Variants in MAGI2 observed in about 807,000 individuals in gnomAD.
MAGI2 encodes the protein membrane-associated guanylate kinase, WW and PDZ domain-containing protein 2.
In MAGI2, 35 loss-of-function variants were observed where a neutral mutation model predicts 133.3. The ratio of observed to expected loss-of-function variants is 0.26; its 90% CI spans 0.20 to 0.35. The LOEUF is 0.35. MAGI2 is among the 10% of genes least tolerant of loss of function. The probability of loss-of-function intolerance (pLI) is 1.00; values close to 1 mark genes in which losing one functional copy is unlikely to be tolerated. For missense variants in MAGI2, 1,636 were observed against 1,863.4 expected, an observed-to-expected ratio of 0.88 and a Z score of 2.25; for synonymous variants, 729 against 710.6, an observed-to-expected ratio of 1.03 and a Z score of -0.41.
At chr7:78,701,853 C>T (rs1057020093) in intron 2 of MAGI2, among the ~76,000 whole-genome samples, 11 of 151,938 alleles carry the variant, frequency 7.2e-5, no homozygotes, top group African/African-American at 2.7e-4. Flanking sequence ...TTATCATTTC[C>T]AATCCCCTGC....
At chr7:79,417,899 G>A (rs6466640) in intron 1 of MAGI2, among the ~76,000 whole-genome samples, 37,598 of 151,668 alleles carry the variant, frequency 0.25, 6,648 homozygotes, top group African/African-American at 0.51. Flanking sequence ...CCCCCCAAAT[G>A]ACAGATATCA....
At chr7:79,105,446 A>G (rs374176511) in intron 1 of MAGI2, among the ~76,000 whole-genome samples, 4 of 152,268 alleles carry the variant, frequency 2.6e-5, no homozygotes, top group East Asian at 1.9e-4. Context: ...TACTTGCACC[A>G]TATAGGACTT....
At chr7:78,675,248 CTGTTGTTGTTGTTGT>C (rs57947329) in intron 2 of MAGI2, among the ~76,000 whole-genome samples, 3 of 150,524 alleles carry the variant, frequency 2.0e-5, no homozygotes, top group Admixed American at 2.0e-4. Flanking sequence ...TTATGGGTTG[CTGTTGTTGTTGTTGT>C]TGTTGTTGTT....
chr7:78,794,389 T>C (rs1486274142), intron 2 of MAGI2, among the ~76,000 whole-genome samples: 1 of 152,196 alleles, frequency 6.6e-6, no homozygotes, highest in African/African-American at 2.4e-5. Context: ...CTTCTCCACA[T>C]AATTTACCAT....
intron 10 of MAGI2, among the ~76,000 whole-genome samples, chr7:78,226,323 A>ATT (rs1789382321): frequency 2.1e-5 from 3 of 143,380 alleles, no homozygotes; most frequent in Non-Finnish European, 4.6e-5. Context: ...AAATGTTTAA[A>ATT]AAAAAAAAAA....
chr7:79,247,788 T>C (rs985940637), intron 1 of MAGI2, among the ~76,000 whole-genome samples: 5 of 152,188 alleles, frequency 3.3e-5, no homozygotes, highest in African/African-American at 7.2e-5. Context: ...TGTTAGGTTG[T>C]CATCAGTTTA....
chr7:78,720,563 ATC>A (rs144244040), intron 2 of MAGI2, among the ~76,000 whole-genome samples: 2,835 of 152,092 alleles, frequency 0.019, 94 homozygotes, highest in African/African-American at 0.065. Flanking sequence ...TGTCAGAATA[ATC>A]TCTTACATTT....
intron 3 of MAGI2, among the ~76,000 whole-genome samples, chr7:78,524,294 A>T (rs1796766501): frequency 6.6e-6 from 1 of 152,190 alleles, no homozygotes; most frequent in Non-Finnish European, 1.5e-5. Context: ...GCAGGTAGAA[A>T]TGACAAATCT....
At chr7:78,072,881 C>T in intron 21 of MAGI2, 1 of 398,598 alleles carries the variant, frequency 2.5e-6, no homozygotes, top group South Asian at 1.3e-4. Context: ...TTCTGTTGAA[C>T]TCCTAGGCTC....
At chr7:78,024,302 T>C (rs1808702618) in intron 21 of MAGI2, among the ~76,000 whole-genome samples, 2 of 152,242 alleles carry the variant, frequency 1.3e-5, no homozygotes, top group Admixed American at 1.3e-4. Flanking sequence ...ATTATTCATG[T>C]AGCTTTTATA....
Position 78,133,064 on chromosome 7 carries a change from C to A in MAGI2, c.3032-4G>T. The A allele has an allele frequency of 1.3e-6, 2 of 1,537,738 alleles. No homozygotes were observed. Among genetic ancestry groups the A allele is most frequent in the South Asian group, 2.6e-5 (2 of 77,452 alleles). ...GCCGAGGTGGGGCTGTTGAGCTCTG[C>A]GATGGAGAACCAAAGCGGCAGATGC... On this transcript the variant is annotated splice_polypyrimidine_tract_variant and splice_region_variant and intron_variant, in intron 17 of 21. Coordinates refer to ENST00000354212, the MANE Select transcript of MAGI2 (RefSeq NM_012301.4).
chr7:79,385,204 A>C (rs2129145840), intron 1 of MAGI2, among the ~76,000 whole-genome samples: 1 of 151,964 alleles, frequency 6.6e-6, no homozygotes, highest in East Asian at 1.9e-4. Context: ...GAAGGCGGTA[A>C]GGTGATTATG....
intron 6 of MAGI2, among the ~76,000 whole-genome samples, chr7:78,467,246 A>G (rs1015796539): frequency 3.3e-5 from 5 of 152,040 alleles, no homozygotes; most frequent in Non-Finnish European, 7.4e-5. Context: ...AACTAACTTA[A>G]TCCTCAAAAT....
chr7:78,835,441 T>G (rs1208346819), intron 2 of MAGI2, among the ~76,000 whole-genome samples: 1 of 152,194 alleles, frequency 6.6e-6, no homozygotes, highest in Non-Finnish European at 1.5e-5. Context: ...AGAAATAAAT[T>G]TGATCTTATA....
chr7:78,370,815 G>A (rs1238464455), intron 6 of MAGI2, among the ~76,000 whole-genome samples: 1 of 151,840 alleles, frequency 6.6e-6, no homozygotes, highest in Non-Finnish European at 1.5e-5. Flanking sequence ...GTAGAGTTGG[G>A]GAAAGCAGTT....
At chr7:78,998,016 T>G (rs1405919967) in intron 2 of MAGI2, among the ~76,000 whole-genome samples, 1 of 152,188 alleles carries the variant, frequency 6.6e-6, no homozygotes, top group Non-Finnish European at 1.5e-5. Flanking sequence ...CTCATTATGT[T>G]TATTTTCCCA....
intron 20 of MAGI2, among the ~76,000 whole-genome samples, chr7:78,098,303 A>G (rs1383992424): frequency 6.6e-6 from 1 of 152,166 alleles, no homozygotes; most frequent in Admixed American, 6.6e-5. Flanking sequence ...TCCATAAGGA[A>G]TATACATGTA....
chr7:78,193,287 A>C (rs1828410948), intron 12 of MAGI2, among the ~76,000 whole-genome samples: 1 of 152,228 alleles, frequency 6.6e-6, no homozygotes, highest in African/African-American at 2.4e-5. Context: ...AGCATCTCTT[A>C]ATGCTCCCTA....
At chr7:78,334,938 C>G (rs1300349149) in intron 9 of MAGI2, among the ~76,000 whole-genome samples, 1 of 152,108 alleles carries the variant, frequency 6.6e-6, no homozygotes, top group African/African-American at 2.4e-5. Flanking sequence ...AAAGTATATT[C>G]CAGAGCAGGA....
Sources: allele counts gnomAD v4.1 joint callset (sites outside exome capture counted in the v4.1 genomes callset), GRCh38; gene constraint gnomAD v4.1.1; transcripts MANE v1.5; gene names NCBI Gene and HGNC (gene_info 2026-07-23, HGNC 2026-07-21).